The following RNPEP variants were observed in gnomAD, a reference collection of about 807,000 sequenced individuals.
RNPEP encodes arginyl aminopeptidase.
In RNPEP, 57 loss-of-function variants were observed where a neutral mutation model predicts 70.1. The ratio of observed to expected loss-of-function variants is 0.81; its 90% CI spans 0.66 to 1.01. The LOEUF is 1.01. Among genes scored for constraint, RNPEP ranks in the 50% least tolerant of loss-of-function variants. The probability of loss-of-function intolerance (pLI) is 0.00; values close to 1 mark genes in which losing one functional copy is unlikely to be tolerated. For missense variants in RNPEP, 787 were observed against 852.4 expected, an observed-to-expected ratio of 0.92 and a Z score of 0.96; for synonymous variants, 335 against 357.4, an observed-to-expected ratio of 0.94 and a Z score of 0.71.
chr1:201,982,920 G>C lies in RNPEP; in HGVS notation c.254G>C (p.Cys85Ser), dbSNP rs1214078050. ...AAELRLDSHP[C>S]LEVTAAALRR... ...GAGCTGCGGCTGGACTCGCACCCGT[G>C]CCTGGAGGTGACGGCGGCGGCGCTG... Residue 85 changes from cysteine (C) to serine (S), a missense_variant, in exon 1 of 11, where the codon TGC (cysteine) becomes TCC (serine). Transcript: ENST00000295640. 7.4e-6 allele frequency: 11 copies of C among 1,484,506 alleles called. No individual in the cohort carries two copies. The Admixed American group carries it at 2.7e-4, about 36-fold the overall frequency. 92.0% of individuals were successfully genotyped at this position (1,484,506 alleles called of 1,614,324 possible). A position where few individuals can be genotyped will look rare whatever the true frequency, so the allele number is the denominator to read the frequency against.
At chr1:201,983,811 G>A (rs969675951) in intron 1 of RNPEP, 49 of 1,082,856 alleles carry the variant, frequency 4.5e-5, no homozygotes, top group Non-Finnish European at 5.4e-5. Context: ...ATGGAGTTAT[G>A]TGGCTTATGT....
intron 8 of RNPEP, 94 bp from the exon 9 acceptor site, chr1:202,003,143 A>C: frequency 3.8e-6 from 3 of 796,326 alleles, no homozygotes; most frequent in Non-Finnish European, 6.1e-6. Flanking sequence ...TGGGATGGAG[A>C]GAGGAGAAAC....
At chr1:201,989,806 G>A (rs143173124) in intron 3 of RNPEP, among the ~76,000 whole-genome samples, 2 of 152,174 alleles carry the variant, frequency 1.3e-5, no homozygotes, top group African/African-American at 4.8e-5. Flanking sequence ...CCTTACAGAG[G>A]GATGTTGGAA....
Position 202,001,718 on chromosome 1 carries a change from C to T in RNPEP, c.1377C>T (p.Tyr459=). 1 of 1,613,464 alleles carries T rather than the reference C, an allele frequency of 6.2e-7. No homozygotes were observed. The highest frequency in any genetic ancestry group is 1.1e-5 in the South Asian group (1 of 91,070). ...SILADDFLDF[Y]LEYFPELKKK... ...TAGCCGATGACTTTCTGGACTTCTACTTGGAATATTTCCCTGAGCTTAAGA... is the reference window on the plus strand; with the variant it reads ...TAGCCGATGACTTTCTGGACTTCTATTTGGAATATTTCCCTGAGCTTAAGA... Residue 459 remains tyrosine (Y), a synonymous_variant, in exon 8 of 11, where the codon TAC becomes TAT. Coordinates refer to ENST00000295640, the MANE Select transcript of RNPEP (RefSeq NM_020216.4).
At position 202,001,654 on chromosome 1, in the gene RNPEP, C is replaced by T. The variant is rs768850207; in HGVS notation, c.1318-5C>T. 2 of 1,608,224 alleles carry T rather than the reference C, an allele frequency of 1.2e-6. No homozygotes were observed. Among genetic ancestry groups the T allele is most frequent in the Non-Finnish European group, 1.7e-6 (2 of 1,174,682 alleles). On this transcript the variant is annotated splice_region_variant and splice_polypyrimidine_tract_variant and intron_variant, in intron 7 of 10. Coordinates refer to ENST00000295640, the MANE Select transcript of RNPEP (RefSeq NM_020216.4). ...GAGGGTCTAAAGAGCTTTCCCTCCT[C>T]ACAGGCCTATGTGCATGAATTCAAA...
At position 202,005,657 on chromosome 1, in the gene RNPEP, C is replaced by G; in HGVS notation, c.1894C>G (p.Gln632Glu). The change falls in exon 11 of 11, where the codon CAG becomes GAG. Residue 632 changes from glutamine to glutamate, a missense_variant. Gln to Glu is a conservative substitution (Grantham distance 29). Transcript: ENST00000295640. ...AKETFASTAS[Q>E]LHSNVVNYVQ... ...GGAGACTTTTGCATCCACCGCCTCC[C>G]AGCTCCACAGCAATGTTGTCAACTA... 1 of 1,614,256 alleles carries G rather than the reference C, an allele frequency of 6.2e-7. No homozygotes were observed. The highest frequency in any genetic ancestry group is 1.1e-5 in the South Asian group (1 of 91,088).
chr1:201,988,457 C>CAAAAAA (rs142459545), intron 1 of RNPEP, among the ~76,000 whole-genome samples: 1 of 114,378 alleles, frequency 8.7e-6, no homozygotes, highest in Non-Finnish European at 1.8e-5. Flanking sequence ...TACTCTGTCT[C>CAAAAAA]AAAAAAAAAA....
chr1:202,003,128 G>T (rs763688834), intron 8 of RNPEP, 109 bp from the exon 9 acceptor site: 13 of 705,584 alleles, frequency 1.8e-5, no homozygotes, highest in Non-Finnish European at 3.1e-5. Flanking sequence ...GCTGGGGAAA[G>T]AGTTTGGGAT....
At chr1:201,983,602 C>G in intron 1 of RNPEP, 1 of 1,275,646 alleles carries the variant, frequency 7.8e-7, no homozygotes, top group Non-Finnish European at 1.0e-6. Flanking sequence ...TTCTGTGTTG[C>G]CTTCTAGTTC....
intron 3 of RNPEP, among the ~76,000 whole-genome samples, chr1:201,995,532 AT>A (rs1473288156): frequency 6.6e-6 from 1 of 152,136 alleles, no homozygotes; most frequent in African/African-American, 2.4e-5. Flanking sequence ...AAATAAAAAA[AT>A]TAGCCAGGCA....
intron 5 of RNPEP, 110 bp from the exon 6 acceptor site, chr1:201,999,792 C>T (rs1028442632): frequency 1.3e-6 from 1 of 774,806 alleles, no homozygotes. Context: ...AGGTATCTGT[C>T]GCTGTTCTTC....
chr1:201,987,024 A>G (rs1683153645), intron 1 of RNPEP, among the ~76,000 whole-genome samples: 1 of 152,152 alleles, frequency 6.6e-6, no homozygotes, highest in African/African-American at 2.4e-5. Flanking sequence ...TTTTTCACAC[A>G]CAAAAACTCA....
At position 201,982,776 on chromosome 1, in the gene RNPEP, T is replaced by C; in HGVS notation, c.110T>C (p.Leu37Pro). 1.5e-6 allele frequency: 2 copies of C among 1,356,902 alleles called. No homozygotes were observed. The highest frequency in any genetic ancestry group is 1.9e-6 in the Non-Finnish European group (2 of 1,053,444). 84.1% of individuals were successfully genotyped at this position (1,356,902 alleles called of 1,614,324 possible). A position where few individuals can be genotyped will look rare whatever the true frequency, so the allele number is the denominator to read the frequency against. Residue 37 changes from leucine (L) to proline (P), a missense_variant, in exon 1 of 11, where the codon CTG becomes CCG. Transcript: ENST00000295640. ...SASNFRAFEL[L>P]HLHLDLRAEF... The stretch of plus-strand genomic sequence containing the variant: ...TCCAACTTCCGGGCCTTTGAGCTGC[T>C]GCACTTGCACCTGGACCTGCGGGCT...
intron 1 of RNPEP, among the ~76,000 whole-genome samples, chr1:201,987,149 G>T (rs760043743): frequency 1.3e-5 from 2 of 152,042 alleles, no homozygotes; most frequent in Non-Finnish European, 2.9e-5. Context: ...TCTGCATCTG[G>T]AGCCTGCATC....
rs150407509 is a variant in RNPEP, at chr1:201,984,201, G to A, written c.447+1088G>A. 2.6e-5 allele frequency among the ~76,000 whole-genome samples: 4 copies of A among 152,312 alleles called. No individual in the cohort carries two copies. In the East Asian group the frequency reaches 7.7e-4, roughly 29 times the overall value. ...TGCCTCGGCGGCCTCCCAAAGTGCT[G>A]GGATTACAGGCGTGAGCCACTGCGC... On this transcript the variant is annotated intron_variant, in intron 1 of 10. Transcript: ENST00000295640.
chr1:201,994,513 C>T (rs1182830049), intron 3 of RNPEP, among the ~76,000 whole-genome samples: 1 of 152,096 alleles, frequency 6.6e-6, no homozygotes, highest in East Asian at 1.9e-4. Context: ...ATGCAGTGTT[C>T]CATGGCTACG....
At chr1:201,993,760 C>T (rs1683433894) in intron 3 of RNPEP, among the ~76,000 whole-genome samples, 1 of 152,170 alleles carries the variant, frequency 6.6e-6, no homozygotes, top group African/African-American at 2.4e-5. Context: ...GCCTGGGCAA[C>T]AGAGCAAGAC....
At chr1:202,002,643 A>G (rs1388624731) in intron 8 of RNPEP, among the ~76,000 whole-genome samples, 1 of 152,228 alleles carries the variant, frequency 6.6e-6, no homozygotes, top group Non-Finnish European at 1.5e-5. Context: ...CTTTAGCAGC[A>G]CCTACTGTTC....
chr1:202,002,321 G>T (rs545028913), intron 8 of RNPEP, among the ~76,000 whole-genome samples: 1 of 152,128 alleles, frequency 6.6e-6, no homozygotes, highest in East Asian at 1.9e-4. Flanking sequence ...GCGCCACCAC[G>T]CCCGGCTATT....
Sources: allele counts gnomAD v4.1 joint callset (sites outside exome capture counted in the v4.1 genomes callset), GRCh38; gene constraint gnomAD v4.1.1; transcripts MANE v1.5; gene names NCBI Gene and HGNC (gene_info 2026-07-23, HGNC 2026-07-21).